The following NIPBL variants were observed in gnomAD, a reference collection of about 807,000 sequenced individuals.
NIPBL encodes nipped-B-like protein.
A neutral mutation model predicts 321.8 loss-of-function variants in NIPBL; 19 were observed. The ratio of observed to expected loss-of-function variants is 0.06; its 90% CI spans 0.04 to 0.09. NIPBL has a LOEUF of 0.09. NIPBL is among the 10% of genes least tolerant of loss of function. The pLI, the probability that NIPBL is intolerant of heterozygous loss-of-function variation, is 1.00. For synonymous variants in NIPBL, 1,106 were observed against 1,114.1 expected, an observed-to-expected ratio of 0.99 and a Z score of 0.14; for missense variants, 2,210 against 3,327.0, an observed-to-expected ratio of 0.66 and a Z score of 8.26.
chr5:37,026,197 A>G (rs1750244215), intron 30 of NIPBL, 32 bp from the exon 31 acceptor site: 1 of 1,263,958 alleles, frequency 7.9e-7, no homozygotes, highest in Admixed American at 1.7e-5. Flanking sequence ...ATTTGTTATA[A>G]TTAGTTAATT....
In NIPBL at chr5:37,038,825, C is replaced by T. The variant is rs920537458; in HGVS notation, c.6108+87C>T. 12 of 1,306,720 alleles carry T rather than the reference C, an allele frequency of 9.2e-6. No individual in the cohort carries two copies. In the African/African-American group the frequency reaches 1.7e-4, roughly 19 times the overall value. 80.9% of individuals were successfully genotyped at this position (1,306,720 alleles called of 1,614,324 possible). On this transcript the variant is annotated intron_variant, in intron 34 of 46. Transcript: ENST00000282516. The stretch of plus-strand genomic sequence containing the variant: ...AGTTCACATGCGTCAACCACATTCT[C>T]ACTGACAGATCAACTGTGTCATTTA...
At chr5:36,915,365 T>C (rs1321255470) in intron 1 of NIPBL, among the ~76,000 whole-genome samples, 1 of 152,188 alleles carries the variant, frequency 6.6e-6, no homozygotes, top group Non-Finnish European at 1.5e-5. Flanking sequence ...AATCTAGTTA[T>C]AAACAAAGTC....
chr5:37,054,822 A>C (rs1753926554), intron 42 of NIPBL, among the ~76,000 whole-genome samples: 1 of 152,170 alleles, frequency 6.6e-6, no homozygotes. Flanking sequence ...TACAAAGATA[A>C]GAATGTGTGG....
At chr5:37,062,491 G>A (rs527560955) in intron 45 of NIPBL, among the ~76,000 whole-genome samples, 8 of 152,124 alleles carry the variant, frequency 5.3e-5, no homozygotes, top group Admixed American at 5.2e-4. Context: ...AAGGACCGGG[G>A]AAGGAAAGAA....
At chr5:37,007,518 G>T (rs1351304733) in intron 18 of NIPBL, 44 bp downstream of exon 18, 2 of 1,436,402 alleles carry the variant, frequency 1.4e-6, no homozygotes, top group Non-Finnish European at 1.9e-6. Flanking sequence ...TAAACTAAAT[G>T]ATTAAGTCTA....
intron 1 of NIPBL, among the ~76,000 whole-genome samples, chr5:36,928,972 A>G (rs1358200155): frequency 2.0e-5 from 3 of 152,134 alleles, no homozygotes; most frequent in Non-Finnish European, 4.4e-5. Flanking sequence ...TTGAGCATTC[A>G]TGGAGAAATC....
Position 37,020,551 on chromosome 5 carries a change from T to C in NIPBL, c.5103T>C (p.Ser1701=). 6.2e-7 allele frequency: 1 copy of C among 1,613,974 alleles called. No homozygotes were observed. The highest frequency in any genetic ancestry group is 8.5e-7 in the Non-Finnish European group (1 of 1,179,904). ...AMKSQKDEES[S]EGTHHAKEIE... ...AATCACAAAAAGATGAAGAATCATCTGAAGGAACACATCATGCAAAGGAAA... is the reference window on the plus strand; with the variant it reads ...AATCACAAAAAGATGAAGAATCATCCGAAGGAACACATCATGCAAAGGAAA... Residue 1701 remains serine (S), a synonymous_variant, in exon 26 of 47, where the codon TCT becomes TCC. Transcript: ENST00000282516.
chr5:37,056,005 C>A (rs1011223084), intron 42 of NIPBL, among the ~76,000 whole-genome samples: 1 of 151,854 alleles, frequency 6.6e-6, no homozygotes. Context: ...GTGGGGAAGA[C>A]ATGGGAGGAG....
chr5:37,023,820 T>C (rs1346017952), intron 29 of NIPBL, among the ~76,000 whole-genome samples: 1 of 151,180 alleles, frequency 6.6e-6, no homozygotes, highest in African/African-American at 2.4e-5. Context: ...TGATCGGTTT[T>C]GTTATCTTCC....
At chr5:36,917,650 G>A (rs997758726) in intron 1 of NIPBL, among the ~76,000 whole-genome samples, 1 of 152,110 alleles carries the variant, frequency 6.6e-6, no homozygotes, top group Non-Finnish European at 1.5e-5. Context: ...GGTTTTTATG[G>A]TTTTAGGTCT....
At chr5:37,007,898 GCTTT>G in intron 18 of NIPBL, 106 bp from the exon 19 acceptor site, 1 of 737,334 alleles carries the variant, frequency 1.4e-6, no homozygotes, top group Non-Finnish European at 2.4e-6. Context: ...AAGAAAAAAT[GCTTT>G]CTTAGTGTTT....
At chr5:36,907,990 G>T (rs1747768409) in intron 1 of NIPBL, among the ~76,000 whole-genome samples, 1 of 152,076 alleles carries the variant, frequency 6.6e-6, no homozygotes, top group South Asian at 2.1e-4. Flanking sequence ...TTTCCAAAAG[G>T]AAGTATTTTA....
chr5:36,950,665 C>A (rs1305765089), intron 1 of NIPBL, among the ~76,000 whole-genome samples: 1 of 152,096 alleles, frequency 6.6e-6, no homozygotes, highest in African/African-American at 2.4e-5. Context: ...TTAAAGCCCT[C>A]ATTAAAATCT....
chr5:37,009,815 A>G (rs1747894299), intron 20 of NIPBL, among the ~76,000 whole-genome samples: 1 of 152,230 alleles, frequency 6.6e-6, no homozygotes, highest in African/African-American at 2.4e-5. Flanking sequence ...TAGTAGTAGT[A>G]TGAATTTTTA....
rs930335017 is a variant in NIPBL at position 37,002,664 on chromosome 5, G to A, written c.3667G>A (p.Asp1223Asn). Residue 1223 changes from aspartate to asparagine, a missense_variant and splice_region_variant, in exon 15 of 47, where the codon GAT becomes AAT. By Grantham distance (23) the Asp-to-Asn change is conservative (BLOSUM62 1). Around this residue, in one of 14 missense-constraint regions of NIPBL, gnomAD observed 381 missense variants for 642.3 expected, o/e 0.59. Coordinates refer to ENST00000282516, the MANE Select transcript of NIPBL (RefSeq NM_133433.4). ...GTTTGTTTGGCTTGATTTTGCAGGT[G>A]ATGATGATGAAATTCCTCAGGAACT... ...LEDMDFTAFG[D>N]DDEIPQELLL... 1.3e-6 allele frequency: 2 copies of A among 1,594,624 alleles called. No individual in the cohort carries two copies. The highest frequency in any genetic ancestry group is 1.3e-5 in the African/African-American group (1 of 74,532).
chr5:36,881,288 TG>T (rs2149514829), intron 1 of NIPBL, among the ~76,000 whole-genome samples: 1 of 148,192 alleles, frequency 6.7e-6, no homozygotes, highest in African/African-American at 2.4e-5. Flanking sequence ...GTATTTGTCT[TG>T]TGTGTAATTT....
At chr5:36,909,323 T>TTGGA (rs570793953) in intron 1 of NIPBL, among the ~76,000 whole-genome samples, 47 of 152,326 alleles carry the variant, frequency 3.1e-4, no homozygotes, top group African/African-American at 1.1e-3. Context: ...AAGCTTCACA[T>TTGGA]TGGACATGAA....
chr5:36,934,465 T>A (rs1396987870), intron 1 of NIPBL, among the ~76,000 whole-genome samples: 1 of 152,080 alleles, frequency 6.6e-6, no homozygotes, highest in Non-Finnish European at 1.5e-5. Flanking sequence ...AGTGAAATGA[T>A]AGAGGAATAG....
intron 9 of NIPBL, among the ~76,000 whole-genome samples, chr5:36,978,899 G>A (rs1743822554): frequency 6.6e-6 from 1 of 151,692 alleles, no homozygotes; most frequent in South Asian, 2.1e-4. Flanking sequence ...GTTGTTTTTA[G>A]GTATGTGGCT....
Sources: gnomAD v4.1 joint callset for allele counts (sites outside exome capture counted in the v4.1 genomes callset) on GRCh38, gnomAD v4.1.1 for gene constraint, gnomAD v4.1.1 regional missense constraint, MANE v1.5 for transcripts, NCBI Gene and HGNC (gene_info 2026-07-23, HGNC 2026-07-21) for gene names.